AATF: variants seen among roughly 807,000 people sequenced by gnomAD.
The protein encoded by AATF is apoptosis antagonizing transcription factor.
In AATF, 48 loss-of-function variants were observed where a neutral mutation model predicts 63.7. The observed-to-expected ratio is 0.75, with a 90% CI of 0.60 to 0.96. The LOEUF is 0.96. AATF is among the 40% of genes least tolerant of loss of function. The pLI is 0.00. For synonymous variants in AATF, 258 were observed against 247.7 expected, an observed-to-expected ratio of 1.04 and a Z score of -0.39; for missense variants, 639 against 685.7, an observed-to-expected ratio of 0.93 and a Z score of 0.76.
intron 8 of AATF, among the ~76,000 whole-genome samples, chr17:37,008,673 CG>C (rs1232696103): frequency 6.6e-6 from 1 of 152,110 alleles, no homozygotes; most frequent in Non-Finnish European, 1.5e-5. Context: ...AGACCAGCCA[CG>C]GCAACATAGA....
At position 36,986,708 on chromosome 17, in the gene AATF, T is replaced by C; in HGVS notation, c.924T>C (p.Asp308=). ...FQYPDTRYLV[D]GTKPNAGSEE... ...ACCCAGACACTAGATATCTAGTAGA[T>C]GGGACAAAGCCCAATGCGGGAAGGT... Residue 308 remains aspartate, a synonymous_variant, in exon 5 of 12, where the codon GAT becomes GAC. Coordinates refer to ENST00000619387, the MANE Select transcript of AATF (RefSeq NM_012138.4). 2.5e-6 allele frequency: 4 copies of C among 1,614,154 alleles called. No individual in the cohort carries two copies. Among genetic ancestry groups the C allele is most frequent in the Non-Finnish European group, 3.4e-6 (4 of 1,179,968 alleles).
At chr17:37,008,020 A>G (rs1343278016) in intron 8 of AATF, among the ~76,000 whole-genome samples, 1 of 152,172 alleles carries the variant, frequency 6.6e-6, no homozygotes, top group Non-Finnish European at 1.5e-5. Context: ...TACTTGTTAC[A>G]TTTTTATCCT....
chr17:36,977,903 T>C (rs1272463066), intron 4 of AATF, among the ~76,000 whole-genome samples: 2 of 152,214 alleles, frequency 1.3e-5, no homozygotes, highest in Admixed American at 1.3e-4. Context: ...AGGAAGTACA[T>C]TGATCAGCTA....
chr17:36,984,253 G>A (rs1433794352), intron 4 of AATF, among the ~76,000 whole-genome samples: 2 of 152,188 alleles, frequency 1.3e-5, no homozygotes, highest in African/African-American at 2.4e-5. Flanking sequence ...TAGAAGCATG[G>A]CCAGAGATAA....
intron 8 of AATF, among the ~76,000 whole-genome samples, chr17:37,001,169 A>G (rs1215608338): frequency 6.6e-6 from 1 of 152,016 alleles, no homozygotes; most frequent in Non-Finnish European, 1.5e-5. Flanking sequence ...AAGCAAAAAA[A>G]CTATCCAGGC....
intron 4 of AATF, among the ~76,000 whole-genome samples, chr17:36,982,390 G>T (rs1286536604): frequency 2.0e-5 from 3 of 151,906 alleles, no homozygotes; most frequent in African/African-American, 7.3e-5. Flanking sequence ...CCCTTGCTCT[G>T]TTGCCCAGGC....
intron 5 of AATF, among the ~76,000 whole-genome samples, 194 bp downstream of exon 5, chr17:36,986,925 A>C (rs1172308131): frequency 1.3e-5 from 2 of 152,186 alleles, no homozygotes; most frequent in Non-Finnish European, 2.9e-5. Flanking sequence ...GTTGTACCTG[A>C]TGTGCTTTGC....
At position 36,949,115 on chromosome 17, in the gene AATF, A is replaced by T. The variant is rs1471972531; in HGVS notation, c.-11A>T. On this transcript the variant is annotated 5_prime_UTR_variant, in exon 1 of 12. Transcript: ENST00000619387. ...CGTGCGCGAAGCGGAGTGGACCGGG[A>T]GCTGGTGACGATGGCGGGGCCGCAG... 1.3e-6 allele frequency: 2 copies of T among 1,570,340 alleles called. No individual in the cohort carries two copies. Among genetic ancestry groups the T allele is most frequent in the South Asian group, 1.2e-5 (1 of 85,422 alleles).
At position 36,968,812 on chromosome 17, in the gene AATF, G is replaced by A. The variant is rs113983297; in HGVS notation, c.832+14905G>A. Among the ~76,000 whole-genome samples, 668 of 152,110 alleles carry A rather than the reference G, an allele frequency of 4.4e-3. 8 individuals carry two copies. Among genetic ancestry groups the A allele is most frequent in the African/African-American group, 0.016 (648 of 41,484 alleles). On this transcript the variant is annotated intron_variant, in intron 4 of 11. Transcript: ENST00000619387. ...ATTTTTTATTTTTAGTAGAGATGAG[G>A]TCTTGCTGTGTTGCCCAGGCTGGTC...
chr17:36,985,431 T>C (rs1050179105), intron 4 of AATF, among the ~76,000 whole-genome samples: 1 of 149,638 alleles, frequency 6.7e-6, no homozygotes, highest in Non-Finnish European at 1.5e-5. Context: ...CGCACCACCA[T>C]GCCTGGCTAA....
intron 11 of AATF, among the ~76,000 whole-genome samples, chr17:37,035,241 CAG>C (rs1405712269): frequency 6.6e-6 from 1 of 150,928 alleles, no homozygotes; most frequent in Non-Finnish European, 1.5e-5. Flanking sequence ...TTTTTTGAGA[CAG>C]AGTTTTGCTC....
chr17:36,989,388 C>G lies in AATF; in HGVS notation c.1291C>G (p.Pro431Ala). The G allele has an allele frequency of 6.2e-7, 1 of 1,612,738 alleles. No homozygotes were observed. Among genetic ancestry groups the G allele is most frequent in the Non-Finnish European group, 8.5e-7 (1 of 1,179,204 alleles). Reference protein sequence around the residue: ...GKPEPAAQPVPESLPGEPEIL... With the variant: ...GKPEPAAQPVAESLPGEPEIL... ...ACCTGAGCCAGCAGCTCAGCCTGTC[C>G]CAGAGAGTTTGCCAGGGGAACCGGT... Residue 431 changes from proline to alanine, a missense_variant, in exon 7 of 12, where the codon CCA becomes GCA. Pro to Ala is a conservative substitution (Grantham distance 27). Coordinates refer to ENST00000619387, the MANE Select transcript of AATF (RefSeq NM_012138.4).
rs1261002677 is a variant in AATF at position 36,988,592 on chromosome 17, A to G, written c.1021A>G (p.Arg341Gly). 6.2e-7 allele frequency: 1 copy of G among 1,614,208 alleles called. No homozygotes were observed. The highest frequency in any genetic ancestry group is 8.5e-7 in the Non-Finnish European group (1 of 1,180,028). ...KQQRRRVPAK[R>G]KLEMEDYPSF... The stretch of plus-strand genomic sequence containing the variant: ...GCAACGAAGAAGGGTCCCTGCAAAG[A>G]GGAAGCTGGAGATGGAGGACTATCC... The change falls in exon 6 of 12, where the codon AGG becomes GGG. Residue 341 changes from arginine to glycine, a missense_variant. By Grantham distance (125) the Arg-to-Gly change is moderately radical. Coordinates refer to ENST00000619387, the MANE Select transcript of AATF (RefSeq NM_012138.4).
chr17:36,961,764 C>T (rs138400313), intron 4 of AATF, among the ~76,000 whole-genome samples: 21 of 152,008 alleles, frequency 1.4e-4, no homozygotes, highest in Non-Finnish European at 2.5e-4. Flanking sequence ...ACCTCTGCCC[C>T]GCCGGGTTTA....
chr17:37,033,932 A>G lies in AATF; in HGVS notation c.1619+2247A>G, dbSNP rs550244175. 7.1e-5 allele frequency: 11 copies of G among 154,756 alleles called. No homozygotes were observed. The East Asian group carries it at 2.1e-3, about 30-fold the overall frequency. The allele number at this position is 154,756 out of a possible 1,614,324, so 9.6% of individuals were successfully genotyped here. A position where few individuals can be genotyped will look rare whatever the true frequency, so the allele number is the denominator to read the frequency against. ...CCCTTCAGCAAACTTTTTGTATTTCATTGGCCAGAACTGTGTTATGTTGCC... is the reference window on the plus strand; with the variant it reads ...CCCTTCAGCAAACTTTTTGTATTTCGTTGGCCAGAACTGTGTTATGTTGCC... On this transcript the variant is annotated intron_variant, in intron 11 of 11. Coordinates refer to ENST00000619387, the MANE Select transcript of AATF (RefSeq NM_012138.4).
intron 4 of AATF, among the ~76,000 whole-genome samples, chr17:36,957,787 C>T (rs2070914242): frequency 6.6e-6 from 1 of 152,180 alleles, no homozygotes; most frequent in South Asian, 2.1e-4. Flanking sequence ...TATAGTCTCT[C>T]CTTGGCACTG....
intron 11 of AATF, among the ~76,000 whole-genome samples, chr17:37,038,671 A>T (rs2071612158): frequency 6.6e-6 from 1 of 152,174 alleles, no homozygotes; most frequent in Admixed American, 6.5e-5. Flanking sequence ...TAGGTACTCC[A>T]TTCCTTTGCA....
chr17:36,977,951 G>C (rs1471155947), intron 4 of AATF, among the ~76,000 whole-genome samples: 2 of 152,104 alleles, frequency 1.3e-5, no homozygotes, highest in African/African-American at 4.8e-5. Flanking sequence ...AGGATTTATT[G>C]ACATACTTCA....
At chr17:36,966,677 G>A (rs926888333) in intron 4 of AATF, among the ~76,000 whole-genome samples, 1 of 152,146 alleles carries the variant, frequency 6.6e-6, no homozygotes, top group Non-Finnish European at 1.5e-5. Context: ...TTAAAGTTTT[G>A]TTGTTGTTGT....
Sources: allele counts gnomAD v4.1 joint callset (sites outside exome capture counted in the v4.1 genomes callset), GRCh38; gene constraint gnomAD v4.1.1; transcripts MANE v1.5; gene names NCBI Gene and HGNC (gene_info 2026-07-23, HGNC 2026-07-21).